HECTD4: variants seen among roughly 807,000 people sequenced by gnomAD.
The protein encoded by HECTD4 is HECT domain E3 ubiquitin protein ligase 4.
Under a neutral mutation model 471.5 loss-of-function variants are expected in HECTD4, and 114 were observed. The observed-to-expected ratio is 0.24, with a 90% CI of 0.21 to 0.28. The LOEUF (loss-of-function observed/expected upper bound fraction) is 0.28. Ranked by LOEUF, HECTD4 falls within the 10% of genes least tolerant of loss-of-function variation. The pLI is 1.00. For missense variants in HECTD4, 3,866 were observed against 5,651.5 expected (o/e 0.68, Z 10.13); for synonymous variants, 2,012 against 2,256.0 (o/e 0.89, Z 3.07).
Position 112,263,724 on chromosome 12 carries a change from T to C in HECTD4, c.2748+360A>G, listed in dbSNP as rs377386811. On this transcript the variant is annotated intron_variant, in intron 17 of 75. Transcript: ENST00000682272. ...CAAGATTTTTATATATATATATATATACACACACACACACACACACACACA... is the reference window on the plus strand; with the variant it reads ...CAAGATTTTTATATATATATATATACACACACACACACACACACACACACA... Among the ~76,000 whole-genome samples the C allele has an allele frequency of 6.0e-3, 746 of 125,096 alleles. 8 individuals are homozygous for C. Among genetic ancestry groups the C allele is most frequent in the South Asian group, 0.023 (91 of 4,004 alleles). The allele number at this position is 125,096 out of a possible 152,430, so 82.1% of individuals were successfully genotyped here.
At chr12:112,273,605 T>C (rs768551138) in intron 11 of HECTD4, 50 bp downstream of exon 11, 2 of 1,577,748 alleles carry the variant, frequency 1.3e-6, no homozygotes, top group East Asian at 4.5e-5. Context: ...TGGTATTCTC[T>C]CATATTTCAG....
At chr12:112,231,202 T>C in intron 39 of HECTD4, 1 of 466,490 alleles carries the variant, frequency 2.1e-6, no homozygotes, top group Non-Finnish European at 3.9e-6. Flanking sequence ...GCAGTGGAGA[T>C]GTACCATTTG....
intron 2 of HECTD4, among the ~76,000 whole-genome samples, chr12:112,317,156 A>AT (rs1187071728): frequency 6.6e-6 from 1 of 152,244 alleles, no homozygotes; most frequent in African/African-American, 2.4e-5. Flanking sequence ...TGGACTTGAA[A>AT]TTGTCTCTGC....
chr12:112,367,309 AG>A (rs1223839760), intron 1 of HECTD4, among the ~76,000 whole-genome samples: 4 of 5,948 alleles, frequency 6.7e-4, no homozygotes, highest in Non-Finnish European at 1.4e-3. Context: ...AAAAAAAAAA[AG>A]AAAGAAAGAA....
At chr12:112,202,782 C>T (rs967940558) in intron 54 of HECTD4, among the ~76,000 whole-genome samples, 4 of 152,224 alleles carry the variant, frequency 2.6e-5, no homozygotes, top group South Asian at 2.1e-4. Context: ...TGGCCTTGTC[C>T]TCTCTCACTC....
intron 1 of HECTD4, among the ~76,000 whole-genome samples, chr12:112,362,950 T>C (rs1281420743): frequency 6.6e-6 from 1 of 152,126 alleles, no homozygotes; most frequent in African/African-American, 2.4e-5. Context: ...GGTCCAACTG[T>C]CTGGGCCTCC....
intron 55 of HECTD4, among the ~76,000 whole-genome samples, chr12:112,197,251 A>G (rs1055629737): frequency 6.6e-6 from 1 of 152,128 alleles, no homozygotes; most frequent in African/African-American, 2.4e-5. Flanking sequence ...CCTGGTTTGG[A>G]CACTGTACAC....
At chr12:112,203,279 T>C (rs776326051) in intron 54 of HECTD4, 13 of 170,476 alleles carry the variant, frequency 7.6e-5, no homozygotes, top group Non-Finnish European at 2.5e-5. Flanking sequence ...ATCATGGCAA[T>C]GACAGATCAT....
At position 112,203,690 on chromosome 12, in the gene HECTD4, G is replaced by T. The variant is rs1460120638; in HGVS notation, c.8352C>A (p.Ile2784=). The change falls in exon 54 of 76, where the codon ATC becomes ATA. Residue 2784 remains isoleucine, a synonymous_variant. Coordinates refer to ENST00000682272, the MANE Select transcript of HECTD4 (RefSeq NM_001388303.1). ...GCCCAAAGGTTTTCAGCATCCCTCG[G>T]ATGGCAAATTTTGGCAGAGCAGTTC... ...AVGTALPKFA[I]RGMLKTFGLH... 2.5e-6 allele frequency: 4 copies of T among 1,613,214 alleles called. No individual in the cohort carries two copies. The highest frequency in any genetic ancestry group is 3.4e-6 in the Non-Finnish European group (4 of 1,179,604).
At chr12:112,220,888 G>A (rs1347247913) in intron 44 of HECTD4, among the ~76,000 whole-genome samples, 2 of 152,156 alleles carry the variant, frequency 1.3e-5, no homozygotes. Context: ...GCTGAGGCAG[G>A]AGGACTGCTT....
chr12:112,315,806 G>A (rs921264605), intron 2 of HECTD4, among the ~76,000 whole-genome samples: 1 of 150,782 alleles, frequency 6.6e-6, no homozygotes, highest in Non-Finnish European at 1.5e-5. Flanking sequence ...TGAGGCAGGA[G>A]GATTGCTTGA....
At position 112,243,230 on chromosome 12, in the gene HECTD4, T is replaced by C. The variant is rs2033681866; in HGVS notation, c.4958+123A>G. The stretch of plus-strand genomic sequence containing the variant: ...TTTGCAAGATCATGTACCACTTTTA[T>C]ATAAATATTTTAGAGGAAAACATTA... On this transcript the variant is annotated intron_variant, in intron 32 of 75. Coordinates refer to ENST00000682272, the MANE Select transcript of HECTD4 (RefSeq NM_001388303.1). This position sits in a 1 kb window ranked among gnomAD's most constrained non-coding sequence, Gnocchi z 6.6. 1 of 884,940 alleles carries C rather than the reference T, an allele frequency of 1.1e-6. No individual in the cohort carries two copies. The highest frequency in any genetic ancestry group is 1.7e-5 in the African/African-American group (1 of 58,944). The allele number at this position is 884,940 out of a possible 1,614,324, so 54.8% of individuals were successfully genotyped here. A position where few individuals can be genotyped will look rare whatever the true frequency, so the allele number is the denominator to read the frequency against.
At position 112,171,255 on chromosome 12, in the gene HECTD4, T is replaced by C. The variant is rs1450999488; in HGVS notation, c.11794A>G (p.Ile3932Val). 3.1e-6 allele frequency: 5 copies of C among 1,604,012 alleles called. No homozygotes were observed. Among genetic ancestry groups the C allele is most frequent in the Non-Finnish European group, 4.3e-6 (5 of 1,175,818 alleles). Residue 3932 changes from isoleucine to valine, a missense_variant, in exon 68 of 76, where the codon ATC becomes GTC. By Grantham distance (29) the Ile-to-Val change is conservative. Around this residue, in one of 16 missense-constraint regions of HECTD4, gnomAD observed 715 missense variants for 1,087.6 expected, o/e 0.66. Transcript: ENST00000682272. ...PRVACLLNVP[I>V]ESLRLRFALL... ...GCGAAGCGCAGGCGCAGGCTCTCGA[T>C]GGGCACGTCTGAGGGCGCAGGAGCA...
rs1372371265 is a variant in HECTD4 at position 112,382,351 on chromosome 12, C to A, written c.-223G>T. ...CTGCCGCCGCCGCCGCCGCCGCCGC[C>A]GCCGCCGCCCTCAGGAGCAGGATCC... On this transcript the variant is annotated 5_prime_UTR_variant, in exon 1 of 76. Coordinates refer to ENST00000682272, the MANE Select transcript of HECTD4 (RefSeq NM_001388303.1). 4.9e-6 allele frequency: 2 copies of A among 405,456 alleles called. No homozygotes were observed. Among genetic ancestry groups the A allele is most frequent in the Admixed American group, 4.5e-5 (1 of 22,306 alleles). 25.1% of individuals were successfully genotyped at this position (405,456 alleles called of 1,614,324 possible).
chr12:112,355,696 G>A (rs1006485820), intron 1 of HECTD4, among the ~76,000 whole-genome samples: 5 of 151,992 alleles, frequency 3.3e-5, no homozygotes, highest in African/African-American at 7.2e-5. Flanking sequence ...CCCGGGAGGC[G>A]GAGGTTGCAG....
intron 7 of HECTD4, among the ~76,000 whole-genome samples, chr12:112,301,343 C>T (rs1290004688): frequency 2.0e-5 from 3 of 150,730 alleles, no homozygotes; most frequent in Admixed American, 6.6e-5. Context: ...ACCACCATGC[C>T]CAGCTAATTT....
chr12:112,303,787 C>G (rs1278438927), intron 7 of HECTD4, among the ~76,000 whole-genome samples: 1 of 150,586 alleles, frequency 6.6e-6, no homozygotes, highest in Non-Finnish European at 1.5e-5. Context: ...GAGGTTGAGG[C>G]CACAATGAGC....
At chr12:112,379,032 A>T (rs762924581) in intron 1 of HECTD4, among the ~76,000 whole-genome samples, 1 of 151,886 alleles carries the variant, frequency 6.6e-6, no homozygotes, top group Non-Finnish European at 1.5e-5. Flanking sequence ...ACAGAGCAAG[A>T]CTCCGTCTCA....
intron 1 of HECTD4, among the ~76,000 whole-genome samples, chr12:112,372,264 T>A (rs886310416): frequency 2.0e-5 from 3 of 151,238 alleles, no homozygotes; most frequent in African/African-American, 4.9e-5. Context: ...CCCGCTAATT[T>A]TTTTTATTTT....
Sources: gnomAD v4.1 joint callset for allele counts (sites outside exome capture counted in the v4.1 genomes callset) on GRCh38, gnomAD v4.1.1 for gene constraint, gnomAD v4.1.1 regional missense constraint, Gnocchi (gnomAD v3.1) non-coding constraint, MANE v1.5 for transcripts, NCBI Gene and HGNC (gene_info 2026-07-23, HGNC 2026-07-21) for gene names.